The following IQGAP2 variants were observed in gnomAD, a reference collection of about 807,000 sequenced individuals.
IQGAP2 encodes ras GTPase-activating-like protein IQGAP2.
In IQGAP2, 173 loss-of-function variants were observed where a neutral mutation model predicts 201.3. That is an observed-to-expected ratio of 0.86 (90% CI 0.76 to 0.98). The LOEUF is 0.98. Ranked by LOEUF, IQGAP2 falls within the 50% of genes least tolerant of loss-of-function variation. IQGAP2 has a pLI of 0.00. For missense variants in IQGAP2, 1,687 were observed against 1,864.8 expected (o/e 0.90, Z 1.76); for synonymous variants, 675 against 673.9 (o/e 1.00, Z -0.03).
chr5:76,503,169 CTTTTCTTTTTT>C (rs1224845776), intron 2 of IQGAP2, among the ~76,000 whole-genome samples: 2 of 111,924 alleles, frequency 1.8e-5, no homozygotes, highest in Non-Finnish European at 3.7e-5. Flanking sequence ...TTTTTCTTTT[CTTTTCTTTTTT>C]TTTTTTTTTT....
intron 2 of IQGAP2, among the ~76,000 whole-genome samples, chr5:76,536,674 C>T (rs906003915): frequency 2.0e-5 from 3 of 151,426 alleles, no homozygotes; most frequent in African/African-American, 7.3e-5. Context: ...CAGGGAGAAT[C>T]ACCTGAACCC....
At chr5:76,624,559 A>C (rs976581580) in intron 13 of IQGAP2, 1 of 152,240 alleles carries the variant, frequency 6.6e-6, no homozygotes, top group African/African-American at 2.4e-5. Context: ...TATTGCAGAA[A>C]TATAAAACCT....
chr5:76,647,229 G>GA (rs1238295301), intron 17 of IQGAP2, among the ~76,000 whole-genome samples: 4 of 152,094 alleles, frequency 2.6e-5, no homozygotes, highest in Non-Finnish European at 5.9e-5. Context: ...AAAGTGAAGA[G>GA]AAAAAAGTCA....
intron 3 of IQGAP2, among the ~76,000 whole-genome samples, chr5:76,566,665 A>C (rs1276736834): frequency 6.6e-6 from 1 of 152,106 alleles, no homozygotes; most frequent in Non-Finnish European, 1.5e-5. Flanking sequence ...GGAGGATAAG[A>C]GGGGAGACAG....
At chr5:76,492,529 G>A (rs956260578) in intron 2 of IQGAP2, among the ~76,000 whole-genome samples, 6 of 152,212 alleles carry the variant, frequency 3.9e-5, no homozygotes, top group Non-Finnish European at 5.9e-5. Context: ...GAGATTTCCT[G>A]TTCTGGAATT....
chr5:76,653,833 C>T (rs1752701984), intron 18 of IQGAP2, among the ~76,000 whole-genome samples: 1 of 152,108 alleles, frequency 6.6e-6, no homozygotes, highest in African/African-American at 2.4e-5. Context: ...TAGAAGAAAC[C>T]CTAGACTTAG....
At chr5:76,443,847 A>T (rs1051449018) in intron 1 of IQGAP2, among the ~76,000 whole-genome samples, 4 of 152,194 alleles carry the variant, frequency 2.6e-5, no homozygotes, top group African/African-American at 9.7e-5. Flanking sequence ...TGAGATACTT[A>T]TATAAAGTTT....
intron 1 of IQGAP2, among the ~76,000 whole-genome samples, chr5:76,429,866 C>CAG (rs942811627): frequency 7.5e-5 from 11 of 147,600 alleles, no homozygotes; most frequent in Admixed American, 2.7e-4. Context: ...CACAGACACA[C>CAG]ACACACACAC....
intron 10 of IQGAP2, 66 bp from the exon 11 acceptor site, chr5:76,600,746 A>G (rs1334830110): frequency 1.3e-6 from 2 of 1,552,656 alleles, no homozygotes; most frequent in African/African-American, 1.4e-5. Context: ...TGTGCATTGT[A>G]AACCTCCATC....
chr5:76,655,172 G>A (rs459846), intron 20 of IQGAP2, among the ~76,000 whole-genome samples, 169 bp downstream of exon 20: 94,988 of 151,946 alleles, frequency 0.63, 29,953 homozygotes, highest in South Asian at 0.82. Context: ...ACACAGAGGA[G>A]CACATGGTGA....
At chr5:76,639,485 A>G (rs1244471408) in intron 16 of IQGAP2, among the ~76,000 whole-genome samples, 1 of 152,232 alleles carries the variant, frequency 6.6e-6, no homozygotes, top group Non-Finnish European at 1.5e-5. Context: ...ATATTCACCA[A>G]CATTGCTTTG....
intron 1 of IQGAP2, among the ~76,000 whole-genome samples, chr5:76,416,327 C>T (rs1751402425): frequency 6.6e-6 from 1 of 152,196 alleles, no homozygotes; most frequent in Non-Finnish European, 1.5e-5. Context: ...ACAGGCAAAA[C>T]AAGATAGATT....
chr5:76,513,433 T>G (rs1278362682), intron 2 of IQGAP2, among the ~76,000 whole-genome samples: 1 of 152,260 alleles, frequency 6.6e-6, no homozygotes, highest in Non-Finnish European at 1.5e-5. Flanking sequence ...TCTGGCATAA[T>G]TCAAACACTT....
chr5:76,641,205 A>C, intron 17 of IQGAP2, 102 bp downstream of exon 17: 1 of 851,102 alleles, frequency 1.2e-6, no homozygotes, highest in Admixed American at 2.6e-5. Context: ...CTATAAACAA[A>C]TCTGACTGCA....
intron 5 of IQGAP2, among the ~76,000 whole-genome samples, chr5:76,586,709 A>C (rs909982405): frequency 3.3e-5 from 5 of 152,232 alleles, no homozygotes; most frequent in Admixed American, 1.3e-4. Flanking sequence ...AGATTGACCC[A>C]CCTGTCATAA....
chr5:76,557,707 C>T (rs1307942816), intron 2 of IQGAP2, among the ~76,000 whole-genome samples: 1 of 152,138 alleles, frequency 6.6e-6, no homozygotes, highest in Non-Finnish European at 1.5e-5. Flanking sequence ...ATGGCCTTTG[C>T]CTTTGAGCAG....
chr5:76,415,078 A>G (rs549947491), intron 1 of IQGAP2, among the ~76,000 whole-genome samples: 8 of 152,354 alleles, frequency 5.3e-5, no homozygotes, highest in Admixed American at 3.3e-4. Flanking sequence ...AGGTTATAAT[A>G]TCTTTTTAGA....
intron 2 of IQGAP2, among the ~76,000 whole-genome samples, chr5:76,511,915 C>G (rs539478243): frequency 6.6e-6 from 1 of 151,976 alleles, no homozygotes; most frequent in Non-Finnish European, 1.5e-5. Flanking sequence ...CTCCTGACCT[C>G]GTGATCCGCC....
chr5:76,630,866 T>G (rs912787517), intron 14 of IQGAP2, among the ~76,000 whole-genome samples: 32 of 152,198 alleles, frequency 2.1e-4, no homozygotes, highest in African/African-American at 7.2e-4. Flanking sequence ...CCCCTTCATC[T>G]ATATGTGCCC....
Sources: gnomAD v4.1 joint callset for allele counts (sites outside exome capture counted in the v4.1 genomes callset) on GRCh38, gnomAD v4.1.1 for gene constraint, MANE v1.5 for transcripts, NCBI Gene and HGNC (gene_info 2026-07-23, HGNC 2026-07-21) for gene names.